GRIA1: variants seen among roughly 807,000 people sequenced by gnomAD.
GRIA1 encodes the protein glutamate ionotropic receptor AMPA type subunit 1, also known as glutamate receptor 1.
Under a neutral mutation model 99.2 loss-of-function variants are expected in GRIA1, and 31 were observed. The observed-to-expected ratio is 0.31, with a 90% CI of 0.23 to 0.42. The LOEUF is 0.42. Among genes scored for constraint, GRIA1 ranks in the 10% least tolerant of loss-of-function variants. The probability of loss-of-function intolerance (pLI) is 1.00; values close to 1 mark genes in which losing one functional copy is unlikely to be tolerated. For missense variants in GRIA1, 782 were observed against 1,157.5 expected, an observed-to-expected ratio of 0.68 and a Z score of 4.71; for synonymous variants, 438 against 432.4, an observed-to-expected ratio of 1.01 and a Z score of -0.16.
At chr5:153,699,643 G>A (rs1758369372) in intron 10 of GRIA1, among the ~76,000 whole-genome samples, 1 of 151,864 alleles carries the variant, frequency 6.6e-6, no homozygotes, top group African/African-American at 2.4e-5. Context: ...GTATGAATGT[G>A]CCTTTTAATT....
intron 2 of GRIA1, among the ~76,000 whole-genome samples, chr5:153,625,310 G>T (rs1767491380): frequency 1.3e-5 from 2 of 152,244 alleles, no homozygotes; most frequent in South Asian, 4.1e-4. Flanking sequence ...GCTCTTTCCT[G>T]GTCCCAGCCC....
chr5:153,613,683 A>G (rs1766205645), intron 2 of GRIA1, among the ~76,000 whole-genome samples: 1 of 149,598 alleles, frequency 6.7e-6, no homozygotes, highest in Non-Finnish European at 1.5e-5. Flanking sequence ...TTTTGCACCA[A>G]CCTAACACTT....
At chr5:153,602,124 C>G (rs1430829394) in intron 2 of GRIA1, among the ~76,000 whole-genome samples, 1 of 152,174 alleles carries the variant, frequency 6.6e-6, no homozygotes, top group South Asian at 2.1e-4. Context: ...AGACTTGGAA[C>G]CAACCCAAAT....
Position 153,698,887 on chromosome 5 carries a change from CAAG to C in GRIA1, c.1272_1274del (p.Lys424del). The stretch of plus-strand genomic sequence containing the variant: ...TCCAGGAAGATCCTTATGTGATGCT[CAAG>C]AAGAACGCCAATCAGTTTGAGGGCA... On this transcript the variant is annotated inframe_deletion, in exon 10 of 16. Transcript: ENST00000285900. The C allele has an allele frequency of 6.2e-7, 1 of 1,612,520 alleles. No homozygotes were observed. Among genetic ancestry groups the C allele is most frequent in the Non-Finnish European group, 8.5e-7 (1 of 1,178,552 alleles).
chr5:153,604,771 T>C (rs866702101), intron 2 of GRIA1, among the ~76,000 whole-genome samples: 2 of 152,278 alleles, frequency 1.3e-5, no homozygotes. Flanking sequence ...AAACAAAATA[T>C]AAAACCATCC....
intron 11 of GRIA1, among the ~76,000 whole-genome samples, chr5:153,741,456 C>T (rs1761782076): frequency 6.6e-6 from 1 of 152,156 alleles, no homozygotes; most frequent in Non-Finnish European, 1.5e-5. Context: ...TTAGCACTCT[C>T]ATATTTATTA....
At chr5:153,705,602 A>G (rs1269739921) in intron 10 of GRIA1, 95 bp from the exon 11 acceptor site, 12 of 1,407,908 alleles carry the variant, frequency 8.5e-6, no homozygotes, top group Non-Finnish European at 1.1e-5. Flanking sequence ...TAAGACACAA[A>G]AGAATAGTCA....
intron 5 of GRIA1, among the ~76,000 whole-genome samples, chr5:153,668,103 T>A (rs1044282501): frequency 6.6e-6 from 1 of 151,262 alleles, no homozygotes; most frequent in African/African-American, 2.4e-5. Context: ...ATTCCCCTCT[T>A]TGGGCCTCAG....
intron 13 of GRIA1, among the ~76,000 whole-genome samples, chr5:153,778,113 AG>A (rs1764384599): frequency 6.6e-6 from 1 of 151,120 alleles, no homozygotes; most frequent in African/African-American, 2.4e-5. Flanking sequence ...AAAAAATGGG[AG>A]GGAGGTTGGG....
At chr5:153,803,456 C>T (rs1309303332) in intron 15 of GRIA1, among the ~76,000 whole-genome samples, 1 of 152,190 alleles carries the variant, frequency 6.6e-6, no homozygotes, top group Non-Finnish European at 1.5e-5. Context: ...CTATGATCTC[C>T]AGCACCTTTC....
chr5:153,495,314 AC>A (rs1054349255), intron 2 of GRIA1, among the ~76,000 whole-genome samples: 61 of 152,302 alleles, frequency 4.0e-4, no homozygotes, highest in Non-Finnish European at 2.5e-4. Context: ...TTTAATCCTC[AC>A]AGGAGCTTTG....
At chr5:153,755,258 T>C (rs1762750788) in intron 11 of GRIA1, 1 of 152,166 alleles carries the variant, frequency 6.6e-6, no homozygotes, top group African/African-American at 2.4e-5. Context: ...ATTAATATGT[T>C]TCAAAAGATC....
intron 5 of GRIA1, among the ~76,000 whole-genome samples, chr5:153,663,760 A>T (rs896562093): frequency 2.6e-5 from 4 of 152,236 alleles, no homozygotes; most frequent in Admixed American, 6.5e-5. Flanking sequence ...TGTGTGATTT[A>T]GGGTTCTAGT....
intron 2 of GRIA1, among the ~76,000 whole-genome samples, chr5:153,576,447 T>C (rs1202134291): frequency 6.6e-6 from 1 of 152,182 alleles, no homozygotes; most frequent in African/African-American, 2.4e-5. Flanking sequence ...CCTAATGCTA[T>C]GGGCTCTCTA....
At chr5:153,629,406 GAGA>G (rs1439084372) in intron 2 of GRIA1, among the ~76,000 whole-genome samples, 2 of 152,214 alleles carry the variant, frequency 1.3e-5, no homozygotes, top group East Asian at 1.9e-4. Context: ...TGAAGAAAGT[GAGA>G]AGAAGGCAGG....
At chr5:153,800,518 C>T (rs1765938563) in intron 14 of GRIA1, among the ~76,000 whole-genome samples, 1 of 152,190 alleles carries the variant, frequency 6.6e-6, no homozygotes, top group South Asian at 2.1e-4. Context: ...AATTTTGCCC[C>T]TTTGAGTCCT....
intron 5 of GRIA1, among the ~76,000 whole-genome samples, chr5:153,658,307 G>GA (rs1304956078): frequency 6.6e-6 from 1 of 152,148 alleles, no homozygotes; most frequent in African/African-American, 2.4e-5. Context: ...TAGAGACACT[G>GA]AAAGACCCCA....
chr5:153,637,692 T>G (rs1389915792), intron 2 of GRIA1, among the ~76,000 whole-genome samples: 3 of 152,152 alleles, frequency 2.0e-5, no homozygotes, highest in Non-Finnish European at 4.4e-5. Flanking sequence ...TGGTGGGGTT[T>G]GAGTGCCAGC....
intron 11 of GRIA1, among the ~76,000 whole-genome samples, chr5:153,746,680 T>A (rs967774856): frequency 6.6e-6 from 1 of 152,168 alleles, no homozygotes; most frequent in African/African-American, 2.4e-5. Context: ...GGCCTCTGGA[T>A]GCAGAGAAAC....
Sources: allele counts gnomAD v4.1 joint callset (sites outside exome capture counted in the v4.1 genomes callset), GRCh38; gene constraint gnomAD v4.1.1; transcripts MANE v1.5; gene names NCBI Gene and HGNC (gene_info 2026-07-23, HGNC 2026-07-21).